SOCS2: variants seen among roughly 807,000 people sequenced by gnomAD.
The protein encoded by SOCS2 is suppressor of cytokine signaling 2, also known as CIS-2.
In SOCS2, 10 loss-of-function variants were observed where a neutral mutation model predicts 18.6. The observed-to-expected ratio is 0.54, with a 90% CI of 0.33 to 0.91. SOCS2 has a LOEUF of 0.91. Ranked by LOEUF, SOCS2 falls within the 40% of genes least tolerant of loss-of-function variation. SOCS2 has a pLI of 0.02. For synonymous variants in SOCS2, 104 were observed against 104.0 expected (o/e 1.00, Z 0.00); for missense variants, 231 against 247.2 (o/e 0.93, Z 0.44).
At chr12:93,573,935 C>T (rs896661594) in intron 1 of SOCS2, 1 of 152,032 alleles carries the variant, frequency 6.6e-6, no homozygotes, top group South Asian at 2.1e-4. Flanking sequence ...CAGAGTGGGC[C>T]GGGGAGATGG....
At chr12:93,625,745 C>CAAAAA in the SOCS2 span, among the ~76,000 whole-genome samples, 1 of 62,486 alleles carries the variant, frequency 1.6e-5, no homozygotes, top group Admixed American at 1.6e-4. Flanking sequence ...GAGACCATCT[C>CAAAAA]AAAAAAAAAA....
At chr12:93,573,288 T>G in intron 1 of SOCS2, 3 of 583,436 alleles carry the variant, frequency 5.1e-6, no homozygotes, top group Non-Finnish European at 6.0e-6. Flanking sequence ...CTTAGCACGC[T>G]GGAAGATTTA....
intron 1 of SOCS2, among the ~76,000 whole-genome samples, chr12:93,582,277 C>T (rs17021325): frequency 0.044 from 6,675 of 152,152 alleles, 483 homozygotes; most frequent in African/African-American, 0.15. Context: ...CTGAGGGTGA[C>T]TTGGGGCAGA....
downstream of SOCS2, among the ~76,000 whole-genome samples, chr12:93,584,657 A>T (rs994633374): frequency 1.4e-5 from 2 of 143,880 alleles, no homozygotes; most frequent in African/African-American, 5.2e-5. Flanking sequence ...CATCTTAATA[A>T]TGATGCTATT....
chr12:93,612,755 A>G, the SOCS2 span, among the ~76,000 whole-genome samples: 4 of 152,212 alleles, frequency 2.6e-5, no homozygotes, highest in Admixed American at 6.5e-5. Context: ...AAATGAATCA[A>G]TGAATCAATG....
chr12:93,614,157 G>A, the SOCS2 span, among the ~76,000 whole-genome samples: 1 of 151,648 alleles, frequency 6.6e-6, no homozygotes, highest in African/African-American at 2.4e-5. Flanking sequence ...CCAGGGTTTT[G>A]GGTTGATCAA....
the SOCS2 span, among the ~76,000 whole-genome samples, chr12:93,618,489 C>T: frequency 1.3e-5 from 2 of 152,150 alleles, no homozygotes; most frequent in Non-Finnish European, 2.9e-5. Context: ...CAGTCCCCAC[C>T]TGCCTCTCTG....
chr12:93,595,136 T>C, the SOCS2 span, among the ~76,000 whole-genome samples: 1 of 152,006 alleles, frequency 6.6e-6, no homozygotes, highest in African/African-American at 2.4e-5. Context: ...GGACGGGGGG[T>C]GATTTTGCTT....
At chr12:93,596,177 T>C in the SOCS2 span, among the ~76,000 whole-genome samples, 1 of 152,248 alleles carries the variant, frequency 6.6e-6, no homozygotes, top group African/African-American at 2.4e-5. Context: ...TCTTGACTTT[T>C]AGTTGAGTGC....
chr12:93,571,617 TGTCCCAGCCCGTAGGGG>T (rs1195922627), upstream of SOCS2: 2 of 206,208 alleles, frequency 9.7e-6, no homozygotes, highest in East Asian at 1.9e-4. Context: ...AGAGTGGAGG[TGTCCCAGCCCGTAGGGG>T]GCGTCGCCGC....
the SOCS2 span, among the ~76,000 whole-genome samples, chr12:93,621,183 C>T: frequency 6.6e-6 from 1 of 152,202 alleles, no homozygotes; most frequent in Non-Finnish European, 1.5e-5. Flanking sequence ...ATCTAGACAT[C>T]ACAGTAGTTT....
chr12:93,614,658 C>T, the SOCS2 span, among the ~76,000 whole-genome samples: 5 of 141,792 alleles, frequency 3.5e-5, no homozygotes, highest in African/African-American at 5.4e-5. Flanking sequence ...CTCTAATGCC[C>T]AGGCTGGAGT....
chr12:93,604,488 A>C, the SOCS2 span, among the ~76,000 whole-genome samples: 1 of 152,342 alleles, frequency 6.6e-6, no homozygotes, highest in Non-Finnish European at 1.5e-5. Context: ...GAATGATTTT[A>C]TAGGCACAGT....
At chr12:93,610,170 T>C in the SOCS2 span, among the ~76,000 whole-genome samples, 129 of 152,318 alleles carry the variant, frequency 8.5e-4, no homozygotes, top group African/African-American at 3.1e-3. Flanking sequence ...TTGTAAAATA[T>C]CCACACATAT....
the SOCS2 span, among the ~76,000 whole-genome samples, chr12:93,602,214 T>C: frequency 1.3e-5 from 2 of 152,194 alleles, no homozygotes; most frequent in African/African-American, 4.8e-5. Flanking sequence ...TGCCTCAGCT[T>C]ATCCTAGACT....
At chr12:93,588,307 C>T (rs963798711), downstream of SOCS2, among the ~76,000 whole-genome samples, 1 of 152,164 alleles carries the variant, frequency 6.6e-6, no homozygotes, top group East Asian at 1.9e-4. Context: ...ATATTAGACT[C>T]ACTGCCATAA....
chr12:93,570,098 C>A (rs1265264844), upstream of SOCS2: 1 of 152,146 alleles, frequency 6.6e-6, no homozygotes, highest in African/African-American at 2.4e-5. Flanking sequence ...GAGATCCTTC[C>A]GAATCCCAGC....
the SOCS2 span, among the ~76,000 whole-genome samples, chr12:93,593,351 T>C: frequency 2.0e-5 from 3 of 152,144 alleles, no homozygotes; most frequent in Non-Finnish European, 4.4e-5. Context: ...AGAGAGCTTT[T>C]ATGGTTAGAG....
the SOCS2 span, among the ~76,000 whole-genome samples, chr12:93,589,324 A>G: frequency 1.3e-5 from 2 of 152,214 alleles, no homozygotes; most frequent in South Asian, 4.1e-4. Flanking sequence ...AGTTACAGAA[A>G]TTATACCAAC....
Sources: gnomAD v4.1 joint callset for allele counts (sites outside exome capture counted in the v4.1 genomes callset) on GRCh38, gnomAD v4.1.1 for gene constraint, MANE v1.5 for transcripts, NCBI Gene and HGNC (gene_info 2026-07-23, HGNC 2026-07-21) for gene names.